Variants in SLC9A9 observed in about 807,000 individuals in gnomAD.
SLC9A9 encodes the protein solute carrier family 9 member A9, also known as sodium/hydrogen exchanger 9.
SLC9A9 carries 62 observed loss-of-function variants against 77.8 expected under a neutral mutation model. The ratio of observed to expected loss-of-function variants is 0.80; its 90% CI spans 0.65 to 0.98. The LOEUF (loss-of-function observed/expected upper bound fraction) is 0.98. Among genes scored for constraint, SLC9A9 ranks in the 50% least tolerant of loss-of-function variants. The pLI is 0.00. For synonymous variants in SLC9A9, 320 were observed against 283.5 expected (o/e 1.13, Z -1.29); for missense variants, 775 against 774.9 (o/e 1.00, Z 0.00).
At chr3:143,576,314 T>C (rs2037358396) in intron 7 of SLC9A9, among the ~76,000 whole-genome samples, 1 of 152,228 alleles carries the variant, frequency 6.6e-6, no homozygotes. Context: ...TGCAAAACAC[T>C]TAGGGCAATG....
At chr3:143,615,789 T>C (rs1328531075) in intron 6 of SLC9A9, among the ~76,000 whole-genome samples, 1 of 152,100 alleles carries the variant, frequency 6.6e-6, no homozygotes, top group Admixed American at 6.6e-5. Context: ...GGAAAATAGG[T>C]GCTCAGGGAG....
intron 9 of SLC9A9, among the ~76,000 whole-genome samples, chr3:143,505,206 T>G (rs1282402520): frequency 6.6e-6 from 1 of 152,010 alleles, no homozygotes; most frequent in Non-Finnish European, 1.5e-5. Flanking sequence ...AGCCAACCCC[T>G]CCTACACTCA....
intron 6 of SLC9A9, among the ~76,000 whole-genome samples, chr3:143,593,754 T>C (rs1041233083): frequency 1.3e-5 from 2 of 152,226 alleles, no homozygotes; most frequent in Non-Finnish European, 2.9e-5. Context: ...TATCACTTAA[T>C]GCTAATGAAT....
chr3:143,590,099 T>G (rs1006754226), intron 6 of SLC9A9, among the ~76,000 whole-genome samples: 7 of 152,204 alleles, frequency 4.6e-5, no homozygotes, highest in African/African-American at 1.7e-4. Flanking sequence ...ATATCCCATA[T>G]CTCCTGGCAT....
At chr3:143,626,092 C>A (rs1421874527) in intron 6 of SLC9A9, among the ~76,000 whole-genome samples, 1 of 152,090 alleles carries the variant, frequency 6.6e-6, no homozygotes, top group Non-Finnish European at 1.5e-5. Flanking sequence ...GTTGGAATGG[C>A]GATCATTAAA....
At chr3:143,544,824 C>T (rs2036757559) in intron 9 of SLC9A9, among the ~76,000 whole-genome samples, 1 of 151,964 alleles carries the variant, frequency 6.6e-6, no homozygotes, top group Admixed American at 6.6e-5. Flanking sequence ...GTCTTTAATC[C>T]ATCTTAAGTT....
intron 14 of SLC9A9, among the ~76,000 whole-genome samples, chr3:143,329,549 C>T (rs1285099865): frequency 1.3e-5 from 2 of 152,202 alleles, no homozygotes; most frequent in Non-Finnish European, 2.9e-5. Context: ...CTGCCATCCT[C>T]CCATATGGCA....
At chr3:143,396,956 T>C (rs534705149) in intron 12 of SLC9A9, among the ~76,000 whole-genome samples, 9 of 152,314 alleles carry the variant, frequency 5.9e-5, no homozygotes, top group African/African-American at 1.4e-4. Flanking sequence ...GAAAACATTA[T>C]GTTCTTTGAA....
At chr3:143,414,272 T>A (rs1374184084) in intron 12 of SLC9A9, among the ~76,000 whole-genome samples, 1 of 152,264 alleles carries the variant, frequency 6.6e-6, no homozygotes, top group Non-Finnish European at 1.5e-5. Flanking sequence ...TCTGTCAATA[T>A]GTGTATATGT....
At chr3:143,584,867 A>G (rs925923745) in intron 6 of SLC9A9, among the ~76,000 whole-genome samples, 2 of 152,208 alleles carry the variant, frequency 1.3e-5, no homozygotes, top group African/African-American at 4.8e-5. Context: ...CCTGTAGAAT[A>G]TTCTAGAGCA....
chr3:143,654,580 A>T (rs1325834902), intron 5 of SLC9A9, among the ~76,000 whole-genome samples: 1 of 152,234 alleles, frequency 6.6e-6, no homozygotes, highest in Non-Finnish European at 1.5e-5. Context: ...AAAACAAAAA[A>T]GTTACAATGG....
At chr3:143,776,165 T>C (rs898257540) in intron 4 of SLC9A9, among the ~76,000 whole-genome samples, 3 of 152,242 alleles carry the variant, frequency 2.0e-5, no homozygotes, top group African/African-American at 7.2e-5. Flanking sequence ...GATTGTTTTC[T>C]ACTTTCTCCA....
chr3:143,503,508 A>T (rs1009378696), intron 9 of SLC9A9: 1 of 382,414 alleles, frequency 2.6e-6, no homozygotes. Context: ...TCATGATGTC[A>T]TCATATTTGG....
At chr3:143,434,815 C>T (rs2034591340) in intron 12 of SLC9A9, among the ~76,000 whole-genome samples, 1 of 152,144 alleles carries the variant, frequency 6.6e-6, no homozygotes, top group South Asian at 2.1e-4. Context: ...CCCCATCGTC[C>T]TCCATTACCT....
chr3:143,593,092 C>G (rs1446639782), intron 6 of SLC9A9, among the ~76,000 whole-genome samples: 2 of 151,938 alleles, frequency 1.3e-5, no homozygotes, highest in Non-Finnish European at 2.9e-5. Flanking sequence ...ATGCATATGC[C>G]TTTGTCTAAG....
chr3:143,448,605 A>G (rs545029823), intron 12 of SLC9A9, among the ~76,000 whole-genome samples: 1 of 151,946 alleles, frequency 6.6e-6, no homozygotes, highest in East Asian at 1.9e-4. Flanking sequence ...AGTTAATTCA[A>G]CCTTGTTGGA....
chr3:143,594,092 A>G (rs2037709780), intron 6 of SLC9A9, among the ~76,000 whole-genome samples: 1 of 152,214 alleles, frequency 6.6e-6, no homozygotes, highest in African/African-American at 2.4e-5. Context: ...GGATTTTAAA[A>G]AAAGAGCTTA....
chr3:143,517,568 A>G, intron 9 of SLC9A9: 2 of 1,597,574 alleles, frequency 1.3e-6, no homozygotes, highest in Non-Finnish European at 1.7e-6. Context: ...AACTTCTTTC[A>G]GCATTGCACT....
chr3:143,594,131 GA>G lies in SLC9A9; in HGVS notation c.756-15409del, dbSNP rs894031273. 1.6e-4 allele frequency among the ~76,000 whole-genome samples: 24 copies of G among 149,452 alleles called. 1 individual carries two copies. Among genetic ancestry groups the G allele is most frequent in the South Asian group, 1.5e-3 (7 of 4,716 alleles). On this transcript the variant is annotated intron_variant, in intron 6 of 15. Transcript: ENST00000316549. Reference sequence around the variant, plus strand: ...GGTAAGTTCCCAAAATGAGGAGAGAGAAAAAAAAAATTTCTGGCTTTGCAAA... The same window carrying G: ...GGTAAGTTCCCAAAATGAGGAGAGAGAAAAAAAAATTTCTGGCTTTGCAAA...
Sources: allele counts gnomAD v4.1 joint callset (sites outside exome capture counted in the v4.1 genomes callset), GRCh38; gene constraint gnomAD v4.1.1; transcripts MANE v1.5; gene names NCBI Gene and HGNC (gene_info 2026-07-23, HGNC 2026-07-21).